XKR9: variants seen among roughly 807,000 people sequenced by gnomAD.
The protein encoded by XKR9 is XK-related protein 9.
XKR9 carries 32 observed loss-of-function variants against 32.0 expected under a neutral mutation model. The ratio of observed to expected loss-of-function variants is 1.00; its 90% CI spans 0.76 to 1.34. The LOEUF (loss-of-function observed/expected upper bound fraction) is 1.34. XKR9 is among the 40% of genes most tolerant of loss of function. The pLI is 0.00. For synonymous variants in XKR9, 168 were observed against 143.4 expected (o/e 1.17, Z -1.22); for missense variants, 546 against 429.7 (o/e 1.27, Z -2.39).
the XKR9 span, among the ~76,000 whole-genome samples, chr8:70,808,507 A>G: frequency 1.1e-4 from 17 of 152,194 alleles, 1 homozygote; most frequent in South Asian, 1.0e-3. Flanking sequence ...GCATTGCCTC[A>G]CCCAGGAAGC....
At chr8:71,031,759 ATAT>A in the XKR9 span, among the ~76,000 whole-genome samples, 2,558 of 152,348 alleles carry the variant, frequency 0.017, 33 homozygotes, top group Non-Finnish European at 0.023. Flanking sequence ...ATAAAAATAG[ATAT>A]TATAAAATAT....
chr8:70,705,615 AG>A (rs1434723961), intron 3 of XKR9, among the ~76,000 whole-genome samples: 4 of 152,124 alleles, frequency 2.6e-5, no homozygotes, highest in Non-Finnish European at 2.9e-5. Flanking sequence ...TGAGATGGAA[AG>A]GTAGTTGTGG....
the XKR9 span, among the ~76,000 whole-genome samples, chr8:70,820,387 A>G: frequency 0.32 from 48,700 of 152,076 alleles, 9,152 homozygotes; most frequent in Non-Finnish European, 0.43. Flanking sequence ...CAAACTGTAC[A>G]AGAAACCTGG....
At chr8:70,919,716 T>A in the XKR9 span, among the ~76,000 whole-genome samples, 1 of 152,134 alleles carries the variant, frequency 6.6e-6, no homozygotes, top group East Asian at 1.9e-4. Flanking sequence ...GCTATCTTCC[T>A]CCCTGGGCCA....
chr8:70,981,126 T>A, the XKR9 span, among the ~76,000 whole-genome samples: 1 of 152,182 alleles, frequency 6.6e-6, no homozygotes, highest in Non-Finnish European at 1.5e-5. Flanking sequence ...TAGGTGATGA[T>A]CTTTTTGCGA....
chr8:70,961,789 A>AT, the XKR9 span, among the ~76,000 whole-genome samples: 3 of 151,928 alleles, frequency 2.0e-5, no homozygotes, highest in Admixed American at 6.6e-5. Flanking sequence ...GCACTACAGG[A>AT]TTTTTTTTCC....
At chr8:70,978,487 CT>C in the XKR9 span, among the ~76,000 whole-genome samples, 1 of 152,128 alleles carries the variant, frequency 6.6e-6, no homozygotes, top group Non-Finnish European at 1.5e-5. Flanking sequence ...TTCTCCTTCA[CT>C]TTTGAAACTT....
the XKR9 span, among the ~76,000 whole-genome samples, chr8:70,810,000 A>T: frequency 2.0e-5 from 3 of 152,200 alleles, no homozygotes; most frequent in Non-Finnish European, 2.9e-5. Context: ...AAATTCACCA[A>T]AGTTGAAATG....
At chr8:70,998,936 G>T in the XKR9 span, among the ~76,000 whole-genome samples, 1 of 152,096 alleles carries the variant, frequency 6.6e-6, no homozygotes, top group East Asian at 1.9e-4. Flanking sequence ...CCTCCATCTG[G>T]CCCCCTGTGT....
At chr8:71,000,628 T>C in the XKR9 span, among the ~76,000 whole-genome samples, 3 of 152,220 alleles carry the variant, frequency 2.0e-5, no homozygotes, top group African/African-American at 7.2e-5. Flanking sequence ...GTAGATGTCT[T>C]ATGATTAGAG....
chr8:71,014,701 G>A, the XKR9 span, among the ~76,000 whole-genome samples: 1 of 152,020 alleles, frequency 6.6e-6, no homozygotes, highest in African/African-American at 2.4e-5. Flanking sequence ...CTTTTTGGGG[G>A]CCATCATTCA....
chr8:70,886,129 G>A, the XKR9 span, among the ~76,000 whole-genome samples: 5 of 152,172 alleles, frequency 3.3e-5, no homozygotes, highest in Admixed American at 3.3e-4. Flanking sequence ...TAATGAGTGA[G>A]AACATGTGGT....
chr8:70,943,446 A>G, the XKR9 span, among the ~76,000 whole-genome samples: 2 of 152,192 alleles, frequency 1.3e-5, no homozygotes, highest in African/African-American at 4.8e-5. Flanking sequence ...TTTGACTCAA[A>G]AATTAAGGGA....
At chr8:70,732,132 A>C (rs1333964104) in intron 4 of XKR9, among the ~76,000 whole-genome samples, 1 of 152,078 alleles carries the variant, frequency 6.6e-6, no homozygotes, top group Non-Finnish European at 1.5e-5. Flanking sequence ...ACTGAGATAG[A>C]CACCCCATGG....
At chr8:70,894,622 C>A in the XKR9 span, among the ~76,000 whole-genome samples, 2 of 152,094 alleles carry the variant, frequency 1.3e-5, no homozygotes, top group African/African-American at 4.8e-5. Context: ...ATGCAGGGCA[C>A]CACTTCAGCT....
At chr8:70,758,759 A>G (rs1163169599) in intron 2 of XKR9, among the ~76,000 whole-genome samples, 2 of 152,232 alleles carry the variant, frequency 1.3e-5, no homozygotes, top group Non-Finnish European at 2.9e-5. Context: ...TTCAATAGCT[A>G]GCATTTTAAA....
the XKR9 span, among the ~76,000 whole-genome samples, chr8:70,939,058 A>T: frequency 6.6e-6 from 1 of 151,238 alleles, no homozygotes; most frequent in South Asian, 2.1e-4. Context: ...CTATCATGTG[A>T]TCAGCCTTAT....
At chr8:70,711,077 C>T (rs921370986) in intron 4 of XKR9, among the ~76,000 whole-genome samples, 2 of 152,034 alleles carry the variant, frequency 1.3e-5, no homozygotes, top group Non-Finnish European at 2.9e-5. Flanking sequence ...AATGAGATAC[C>T]CTTGCACATC....
the XKR9 span, among the ~76,000 whole-genome samples, chr8:70,934,695 T>C: frequency 6.6e-6 from 1 of 151,860 alleles, no homozygotes; most frequent in Non-Finnish European, 1.5e-5. Context: ...CCTCAGCAAA[T>C]TCGTATTTCA....
Sources: allele counts gnomAD v4.1 joint callset (sites outside exome capture counted in the v4.1 genomes callset), GRCh38; gene constraint gnomAD v4.1.1; transcripts MANE v1.5; gene names NCBI Gene and HGNC (gene_info 2026-07-23, HGNC 2026-07-21).